The following DSCAM variants were observed in gnomAD, a reference collection of about 807,000 sequenced individuals.
DSCAM encodes cell adhesion molecule DSCAM.
Under a neutral mutation model 217.7 loss-of-function variants are expected in DSCAM, and 47 were observed. That is an observed-to-expected ratio of 0.22 (90% confidence interval 0.17 to 0.28). DSCAM has a LOEUF of 0.28. Among genes scored for constraint, DSCAM ranks in the 10% least tolerant of loss-of-function variants. DSCAM has a pLI of 1.00. For synonymous variants in DSCAM, 1,056 were observed against 1,015.3 expected (o/e 1.04, Z -0.76); for missense variants, 2,080 against 2,618.3 (o/e 0.79, Z 4.49).
intron 3 of DSCAM, among the ~76,000 whole-genome samples, chr21:40,550,090 T>C (rs2837700): frequency 0.57 from 85,846 of 151,858 alleles, 24,623 homozygotes; most frequent in South Asian, 0.63. Context: ...AAATGTCCGA[T>C]ATCACCCAGC....
intron 11 of DSCAM, among the ~76,000 whole-genome samples, chr21:40,246,152 G>T (rs12482359): frequency 2.0e-5 from 3 of 151,596 alleles, no homozygotes; most frequent in Non-Finnish European, 2.9e-5. Flanking sequence ...ACATCCTCAA[G>T]AAGCCTGTTC....
rs1812237 is a variant in DSCAM, at chr21:40,650,809, G to A, written c.508+42001C>T. On this transcript the variant is annotated intron_variant, in intron 3 of 32. Transcript: ENST00000400454. ...TGCGCCTTTAGTCCCAGCTACTCAG[G>A]AGGCTGAGGCAGAAGAATTGGTTGA... Among the ~76,000 whole-genome samples, 165 of 152,342 alleles carry A rather than the reference G, an allele frequency of 1.1e-3. 3 individuals are homozygous for A. In the East Asian group the frequency reaches 0.026, roughly 24 times the overall value.
At chr21:40,085,505 T>G (rs1601315408) in intron 23 of DSCAM, 97 bp downstream of exon 23, 1 of 1,154,478 alleles carries the variant, frequency 8.7e-7, no homozygotes, top group East Asian at 2.8e-5. Flanking sequence ...AGTTAGCTCT[T>G]TATAAGGGCT....
chr21:40,702,230 T>C (rs916883591), intron 2 of DSCAM, among the ~76,000 whole-genome samples: 3 of 152,190 alleles, frequency 2.0e-5, no homozygotes, highest in Non-Finnish European at 2.9e-5. Flanking sequence ...AACTGTTCTT[T>C]ATGATACTGT....
At chr21:40,201,621 A>G (rs1056216872) in intron 11 of DSCAM, among the ~76,000 whole-genome samples, 3 of 152,064 alleles carry the variant, frequency 2.0e-5, no homozygotes, top group Non-Finnish European at 4.4e-5. Flanking sequence ...TTGTATTTTT[A>G]GTAGAGACGG....
At chr21:40,214,353 T>G (rs1007592434) in intron 11 of DSCAM, among the ~76,000 whole-genome samples, 1 of 152,238 alleles carries the variant, frequency 6.6e-6, no homozygotes, top group African/African-American at 2.4e-5. Flanking sequence ...ATATGAAGTG[T>G]GCATCTGGTA....
chr21:40,097,969 AGAAAGAAAGAAAG>A (rs1568939118), intron 20 of DSCAM, among the ~76,000 whole-genome samples: 29 of 73,532 alleles, frequency 3.9e-4, no homozygotes, highest in East Asian at 9.4e-4. Flanking sequence ...AAAGAAAGAA[AGAAAGAAAGAAAG>A]AAAGAAAGAA....
chr21:40,824,045 A>G (rs1193090314), intron 1 of DSCAM, among the ~76,000 whole-genome samples: 2 of 152,186 alleles, frequency 1.3e-5, no homozygotes, highest in Admixed American at 6.5e-5. Flanking sequence ...CGGTAAACTC[A>G]CATTGTGAGA....
intron 11 of DSCAM, among the ~76,000 whole-genome samples, chr21:40,233,767 CA>C (rs2091402634): frequency 6.6e-6 from 1 of 152,226 alleles, no homozygotes; most frequent in Non-Finnish European, 1.5e-5. Flanking sequence ...CTACTACACA[CA>C]ACTCGGCATT....
chr21:40,435,842 A>T (rs1432592216), intron 3 of DSCAM, among the ~76,000 whole-genome samples: 10 of 152,214 alleles, frequency 6.6e-5, no homozygotes, highest in Non-Finnish European at 4.4e-5. Flanking sequence ...ATTCAATAGA[A>T]ACCATACTTT....
In DSCAM at chr21:40,656,502, CA is replaced by C. The variant is rs1016266345; in HGVS notation, c.508+36307del. Among the ~76,000 whole-genome samples the C allele has an allele frequency of 1.3e-4, 20 of 149,612 alleles. 1 individual carries two copies. The highest frequency in any genetic ancestry group is 4.2e-4 in the African/African-American group (17 of 40,328). On this transcript the variant is annotated intron_variant, in intron 3 of 32. Coordinates refer to ENST00000400454, the MANE Select transcript of DSCAM (RefSeq NM_001389.5). ...AGTTGACAAGAAAAAAGCTTAAATG[CA>C]CTAGAAGATGCTTCAATAGAAAAAA...
chr21:40,057,037 G>A (rs943298233), intron 28 of DSCAM, among the ~76,000 whole-genome samples: 3 of 152,192 alleles, frequency 2.0e-5, no homozygotes, highest in Non-Finnish European at 2.9e-5. Context: ...TTAGATGTTT[G>A]CCTGATGAGA....
chr21:40,500,235 GT>G (rs1323365447), intron 3 of DSCAM, among the ~76,000 whole-genome samples: 2 of 152,090 alleles, frequency 1.3e-5, no homozygotes, highest in African/African-American at 4.8e-5. Flanking sequence ...TAAATATTTT[GT>G]TTTTTAAGTT....
chr21:40,518,554 A>AT (rs1713021455), intron 3 of DSCAM, among the ~76,000 whole-genome samples: 3 of 82,156 alleles, frequency 3.7e-5, no homozygotes, highest in African/African-American at 1.8e-4. Flanking sequence ...ACACACACAT[A>AT]TACACACACA....
chr21:40,406,099 G>T (rs775663512), intron 3 of DSCAM, among the ~76,000 whole-genome samples: 1 of 152,128 alleles, frequency 6.6e-6, no homozygotes, highest in Non-Finnish European at 1.5e-5. Flanking sequence ...CCGCAATAAC[G>T]TATCACCTCA....
intron 2 of DSCAM, among the ~76,000 whole-genome samples, chr21:40,695,822 G>A (rs1289752871): frequency 6.6e-6 from 1 of 152,120 alleles, no homozygotes; most frequent in Non-Finnish European, 1.5e-5. Context: ...ACTATCTATA[G>A]TTTTTTAAAA....
rs373831835 is a variant in DSCAM, at chr21:40,142,550, C to T, written c.3406+8G>A. 1 of 1,613,780 alleles carries T rather than the reference C, an allele frequency of 6.2e-7. No homozygotes were observed. Among genetic ancestry groups the T allele is most frequent in the Non-Finnish European group, 8.5e-7 (1 of 1,179,864 alleles). ...GGCAAACCCAAAGTCCTAGTTTAGT[C>T]CTCTTACCTCCGTCCATGAGGTTGG... On this transcript the variant is annotated splice_region_variant and intron_variant, in intron 18 of 32. Coordinates refer to ENST00000400454, the MANE Select transcript of DSCAM (RefSeq NM_001389.5).
chr21:40,520,579 C>G (rs1046631609), intron 3 of DSCAM, among the ~76,000 whole-genome samples: 1 of 151,998 alleles, frequency 6.6e-6, no homozygotes, highest in Non-Finnish European at 1.5e-5. Context: ...GAGGCCGAGG[C>G]GGGCAGATCA....
intron 8 of DSCAM, among the ~76,000 whole-genome samples, chr21:40,334,527 C>A (rs1157941385): frequency 6.6e-6 from 1 of 152,144 alleles, no homozygotes; most frequent in Non-Finnish European, 1.5e-5. Context: ...CTGCTCTCCC[C>A]CTGGTCCAAG....
Sources: gnomAD v4.1 joint callset for allele counts (sites outside exome capture counted in the v4.1 genomes callset) on GRCh38, gnomAD v4.1.1 for gene constraint, MANE v1.5 for transcripts, NCBI Gene and HGNC (gene_info 2026-07-23, HGNC 2026-07-21) for gene names.